AKAP13: variants seen among roughly 807,000 people sequenced by gnomAD.
The protein encoded by AKAP13 is A-kinase anchoring protein 13, also known as A-kinase anchor protein 13.
A neutral mutation model predicts 264.5 loss-of-function variants in AKAP13; 80 were observed. That is an observed-to-expected ratio of 0.30 (90% CI 0.25 to 0.36). The LOEUF is 0.36. Among genes scored for constraint, AKAP13 ranks in the 10% least tolerant of loss-of-function variants. The pLI is 1.00. For missense variants in AKAP13, 3,712 were observed against 3,435.2 expected, an observed-to-expected ratio of 1.08 and a Z score of -2.01; for synonymous variants, 1,380 against 1,250.2, an observed-to-expected ratio of 1.10 and a Z score of -2.19.
intron 1 of AKAP13, among the ~76,000 whole-genome samples, chr15:85,477,257 C>A (rs1395265675): frequency 6.6e-6 from 1 of 151,736 alleles, no homozygotes; most frequent in Non-Finnish European, 1.5e-5. Flanking sequence ...GAGATTTTCT[C>A]AGGGTGATAA....
At position 85,579,353 on chromosome 15, in the gene AKAP13, T is replaced by C; in HGVS notation, c.1285T>C (p.Ser429Pro). ...GNRNEETGTK[S>P]SGMPTDQESL... ...CAGAAATGAAGAAACTGGAACAAAA[T>C]CTTCTGGAATGCCCACAGACCAGGA... The change falls in exon 7 of 37, where the codon TCT becomes CCT. Residue 429 changes from serine (S) to proline (P), a missense_variant. By Grantham distance (74) the Ser-to-Pro change is moderately conservative (BLOSUM62 -1). Around this residue, in one of 3 missense-constraint regions of AKAP13, gnomAD observed 2,759 missense variants for 2,411.7 expected, o/e 1.14. Coordinates refer to ENST00000394518, the MANE Select transcript of AKAP13 (RefSeq NM_007200.5). The C allele has an allele frequency of 1.2e-6, 2 of 1,614,078 alleles. No homozygotes were observed. The highest frequency in any genetic ancestry group is 1.7e-6 in the Non-Finnish European group (2 of 1,180,014).
Position 85,579,513 on chromosome 15 carries a change from T to G in AKAP13, c.1445T>G (p.Met482Arg), listed in dbSNP as rs377233664. Residue 482 changes from methionine to arginine, a missense_variant, in exon 7 of 37, where the codon ATG (methionine) becomes AGG (arginine). Transcript: ENST00000394518. ...NVSTPDTAGE[M>R]EHGLMNPDAT... Reference sequence around the variant, plus strand: ...AGTACCCCAGACACTGCAGGGGAAATGGAACATGGGCTCATGAACCCAGAT... The same window carrying G: ...AGTACCCCAGACACTGCAGGGGAAAGGGAACATGGGCTCATGAACCCAGAT... 6 of 1,613,998 alleles carry G rather than the reference T, an allele frequency of 3.7e-6. No individual in the cohort carries two copies. In the African/African-American group the frequency reaches 8.0e-5, roughly 22 times the overall value.
At chr15:85,391,986 T>C (rs1028963100) in intron 1 of AKAP13, among the ~76,000 whole-genome samples, 2 of 151,902 alleles carry the variant, frequency 1.3e-5, no homozygotes, top group Non-Finnish European at 1.5e-5. Context: ...GGTTTCACCA[T>C]GTTGGCCAGG....
At chr15:85,518,795 C>T (rs1437072528) in intron 2 of AKAP13, among the ~76,000 whole-genome samples, 3 of 152,212 alleles carry the variant, frequency 2.0e-5, no homozygotes, top group East Asian at 1.9e-4. Context: ...TGCCACTGCA[C>T]TCCAGCCTGG....
intron 17 of AKAP13, chr15:85,701,220 T>A (rs2085890576): frequency 6.6e-6 from 1 of 152,174 alleles, no homozygotes; most frequent in South Asian, 2.1e-4. Flanking sequence ...ATTTGCTTTT[T>A]CTGGAGGCAC....
intron 2 of AKAP13, among the ~76,000 whole-genome samples, chr15:85,491,141 G>A (rs1234255119): frequency 6.6e-6 from 1 of 152,140 alleles, no homozygotes; most frequent in African/African-American, 2.4e-5. Context: ...TTAGGGAGGA[G>A]ATGAGGAAGA....
At chr15:85,388,361 C>T (rs946429621) in intron 1 of AKAP13, among the ~76,000 whole-genome samples, 12 of 152,078 alleles carry the variant, frequency 7.9e-5, no homozygotes, top group African/African-American at 2.9e-4. Context: ...CTTTTTGTTA[C>T]TTTGCTGAAC....
chr15:85,626,717 T>C (rs1596777754), intron 8 of AKAP13, among the ~76,000 whole-genome samples: 1 of 152,366 alleles, frequency 6.6e-6, no homozygotes. Flanking sequence ...TATACAAATA[T>C]CTGTTTGAGT....
At chr15:85,680,432 C>G (rs564087469) in intron 14 of AKAP13, among the ~76,000 whole-genome samples, 1 of 152,218 alleles carries the variant, frequency 6.6e-6, no homozygotes, top group South Asian at 2.1e-4. Context: ...TCTTACCTGG[C>G]TGTTGTTACC....
At chr15:85,448,011 C>G in intron 1 of AKAP13, among the ~76,000 whole-genome samples, 1 of 152,162 alleles carries the variant, frequency 6.6e-6, no homozygotes, top group East Asian at 1.9e-4. Flanking sequence ...GTTCCTTTTC[C>G]CTGCAACCTT....
At chr15:85,402,506 G>C (rs989463846) in intron 1 of AKAP13, among the ~76,000 whole-genome samples, 4 of 152,186 alleles carry the variant, frequency 2.6e-5, no homozygotes, top group African/African-American at 7.2e-5. Context: ...GTATCTGACT[G>C]CTAGGCTGTG....
intron 17 of AKAP13, among the ~76,000 whole-genome samples, chr15:85,701,953 A>C (rs1230419418): frequency 6.6e-6 from 1 of 152,016 alleles, no homozygotes; most frequent in East Asian, 1.9e-4. Flanking sequence ...TCTTATAAAA[A>C]GAAGGGGGTA....
At chr15:85,619,125 G>A (rs770391914) in intron 8 of AKAP13, among the ~76,000 whole-genome samples, 3 of 152,052 alleles carry the variant, frequency 2.0e-5, no homozygotes, top group Non-Finnish European at 4.4e-5. Flanking sequence ...ATCTTGCAAT[G>A]CCTGACAGAG....
At chr15:85,657,729 T>A (rs1052498695) in intron 11 of AKAP13, among the ~76,000 whole-genome samples, 3 of 145,364 alleles carry the variant, frequency 2.1e-5, no homozygotes, top group African/African-American at 5.4e-5. Context: ...TTTTTTTTTT[T>A]AAGCATTCAG....
intron 5 of AKAP13, among the ~76,000 whole-genome samples, chr15:85,555,186 A>AC (rs1301021748): frequency 6.6e-6 from 1 of 151,606 alleles, no homozygotes; most frequent in Non-Finnish European, 1.5e-5. Flanking sequence ...TGGATTAGCT[A>AC]CCCCCCACCC....
At chr15:85,706,361 G>A (rs985859352) in intron 17 of AKAP13, among the ~76,000 whole-genome samples, 1 of 152,132 alleles carries the variant, frequency 6.6e-6, no homozygotes, top group Admixed American at 6.5e-5. Flanking sequence ...CGTTTGCCTC[G>A]ACCACTTTGT....
In AKAP13 at chr15:85,579,418, G is replaced by A; in HGVS notation, c.1350G>A (p.Leu450=). 1 of 1,614,080 alleles carries A rather than the reference G, an allele frequency of 6.2e-7. No individual in the cohort carries two copies. The highest frequency in any genetic ancestry group is 8.5e-7 in the Non-Finnish European group (1 of 1,179,976). Residue 450 remains leucine (L), a synonymous_variant, in exon 7 of 37, where the codon TTG becomes TTA. Coordinates refer to ENST00000394518, the MANE Select transcript of AKAP13 (RefSeq NM_007200.5). ...GAGATGCTGTGCTTCAGAGAGACTT[G>A]GTCATGGAGCCAGGCACAGCCCAGT... ...SSGDAVLQRD[L]VMEPGTAQYS...
intron 29 of AKAP13, among the ~76,000 whole-genome samples, chr15:85,728,822 G>A (rs941362533): frequency 6.6e-6 from 1 of 151,926 alleles, no homozygotes; most frequent in South Asian, 2.1e-4. Flanking sequence ...GTATTAAAAG[G>A]CAACAAGGGA....
rs765798561 is a variant in AKAP13, at chr15:85,664,684, G to A, written c.4921G>A (p.Asp1641Asn). The change falls in exon 13 of 37, where the codon GAC becomes AAC. Residue 1641 changes from aspartate (D) to asparagine (N), a missense_variant. By Grantham distance (23) the Asp-to-Asn change is conservative. Coordinates refer to ENST00000394518, the MANE Select transcript of AKAP13 (RefSeq NM_007200.5). The stretch of plus-strand genomic sequence containing the variant: ...CCCATTCAGTGGTGAGGAACGGGTT[G>A]ACTCTTTGGTGTCACTTTCAGAAGA... ...RHPFSGEERVDSLVSLSEEDL... is the reference protein window; with the variant it reads ...RHPFSGEERVNSLVSLSEEDL... 3.7e-6 allele frequency: 6 copies of A among 1,613,988 alleles called. No homozygotes were observed. The South Asian group carries it at 5.5e-5, about 15-fold the overall frequency.
Sources: gnomAD v4.1 joint callset for allele counts (sites outside exome capture counted in the v4.1 genomes callset) on GRCh38, gnomAD v4.1.1 for gene constraint, gnomAD v4.1.1 regional missense constraint, MANE v1.5 for transcripts, NCBI Gene and HGNC (gene_info 2026-07-23, HGNC 2026-07-21) for gene names.